SNX29: variants seen among roughly 807,000 people sequenced by gnomAD.
SNX29 encodes sorting nexin-29.
SNX29 carries 78 observed loss-of-function variants against 102.1 expected under a neutral mutation model. The observed-to-expected ratio is 0.76, with a 90% CI of 0.64 to 0.92. The LOEUF is 0.92. Among genes scored for constraint, SNX29 ranks in the 40% least tolerant of loss-of-function variants. The pLI, the probability that SNX29 is intolerant of heterozygous loss-of-function variation, is 0.00. For synonymous variants in SNX29, 580 were observed against 414.5 expected, an observed-to-expected ratio of 1.40 and a Z score of -4.85; for missense variants, 1,280 against 1,061.7, an observed-to-expected ratio of 1.21 and a Z score of -2.86.
intron 19 of SNX29, among the ~76,000 whole-genome samples, chr16:12,481,469 C>CATATATACACACAT (rs940824120): frequency 1.1e-5 from 1 of 90,072 alleles, no homozygotes; most frequent in Non-Finnish European, 2.6e-5. Flanking sequence ...TATATATACA[C>CATATATACACACAT]ATATATACAC....
intron 1 of SNX29, among the ~76,000 whole-genome samples, chr16:11,986,335 A>G (rs183624796): frequency 6.0e-4 from 88 of 147,754 alleles, no homozygotes; most frequent in African/African-American, 2.1e-3. Flanking sequence ...CTTCGCTTGC[A>G]TCTGTGTTTC....
intron 18 of SNX29, among the ~76,000 whole-genome samples, chr16:12,459,604 C>T (rs1406596856): frequency 2.0e-5 from 3 of 152,050 alleles, no homozygotes; most frequent in East Asian, 1.9e-4. Flanking sequence ...TCTGCATGCA[C>T]GTGGGGCTGG....
At chr16:12,553,101 GGGGCTTTCAGGCTGGGAGGGCCTT>G (rs2078091471) in intron 20 of SNX29, among the ~76,000 whole-genome samples, 1 of 147,596 alleles carries the variant, frequency 6.8e-6, no homozygotes, top group South Asian at 2.1e-4. Flanking sequence ...GGCTTGGCCT[GGGGCTTTCAGGCTGGGAGGGCCTT>G]GGGCTTCTGG....
intron 4 of SNX29, 194 bp downstream of exon 4, chr16:12,027,638 C>A (rs1315000373): frequency 6.7e-6 from 4 of 601,400 alleles, no homozygotes; most frequent in South Asian, 4.1e-5. Flanking sequence ...TAAATGAAGT[C>A]ATCTTTTGTG....
chr16:12,522,279 T>C (rs1395922401), intron 19 of SNX29, among the ~76,000 whole-genome samples: 1 of 152,226 alleles, frequency 6.6e-6, no homozygotes, highest in Non-Finnish European at 1.5e-5. Flanking sequence ...GAAGTTCAAA[T>C]TTCACTGGGT....
chr16:12,565,565 C>T (rs551021293), intron 20 of SNX29, among the ~76,000 whole-genome samples: 1 of 152,184 alleles, frequency 6.6e-6, no homozygotes, highest in South Asian at 2.1e-4. Context: ...TCACAGAAGC[C>T]TACTGTCACA....
At chr16:12,551,650 C>G (rs182544571) in intron 20 of SNX29, among the ~76,000 whole-genome samples, 2 of 152,194 alleles carry the variant, frequency 1.3e-5, no homozygotes, top group African/African-American at 2.4e-5. Flanking sequence ...ATTTTCTGAG[C>G]TTTGGTTTCC....
At chr16:12,278,944 T>G (rs1348426831) in intron 15 of SNX29, among the ~76,000 whole-genome samples, 3 of 152,186 alleles carry the variant, frequency 2.0e-5, no homozygotes, top group African/African-American at 4.8e-5. Context: ...TTTTATAACC[T>G]TATTGATACC....
chr16:12,531,695 A>C (rs557929295), intron 20 of SNX29, among the ~76,000 whole-genome samples: 3 of 152,304 alleles, frequency 2.0e-5, no homozygotes, highest in Admixed American at 6.5e-5. Context: ...CAGAGAGGTC[A>C]AGGGGACAAG....
At chr16:12,108,556 A>G (rs984223088) in intron 11 of SNX29, among the ~76,000 whole-genome samples, 2 of 152,154 alleles carry the variant, frequency 1.3e-5, no homozygotes, top group Admixed American at 1.3e-4. Context: ...GGTGACTACT[A>G]TATCTGGGCA....
intron 20 of SNX29, among the ~76,000 whole-genome samples, chr16:12,555,365 A>G (rs936172670): frequency 2.0e-5 from 3 of 152,028 alleles, no homozygotes; most frequent in East Asian, 1.9e-4. Context: ...CTTTTCTCCC[A>G]TGAGGCGCTC....
In SNX29 at chr16:12,481,395, T is replaced by TAC. The variant is rs149352429; in HGVS notation, c.2178+3552_2178+3553dup. 6.2e-3 allele frequency among the ~76,000 whole-genome samples: 932 copies of TAC among 149,822 alleles called. 7 individuals are homozygous for TAC. Among genetic ancestry groups the TAC allele is most frequent in the African/African-American group, 0.018 (739 of 40,840 alleles). ...TGTCTTTTATACATATATATATATA[T>TAC]ACACACACACACACACATATACATA... is the stretch of plus-strand genomic sequence containing the variant. On this transcript the variant is annotated intron_variant, in intron 19 of 20. Transcript: ENST00000566228.
chr16:12,095,507 A>G (rs1016383842), intron 11 of SNX29, among the ~76,000 whole-genome samples: 1 of 152,164 alleles, frequency 6.6e-6, no homozygotes, highest in East Asian at 1.9e-4. Context: ...GGTCTTTTCT[A>G]GTTGAAAAAC....
Position 12,333,266 on chromosome 16 carries a change from C to T in SNX29, c.1783-22897C>T, listed in dbSNP as rs549923168. ...GACTACAGGTGCGTGCCACCATGCC[C>T]GGCTAATTTTTGTGTATTTTAGTAG... On this transcript the variant is annotated intron_variant, in intron 15 of 20. Transcript: ENST00000566228. 5.3e-5 allele frequency among the ~76,000 whole-genome samples: 8 copies of T among 151,856 alleles called. No individual in the cohort carries two copies. The East Asian group carries it at 7.8e-4, about 15-fold the overall frequency.
At chr16:12,542,985 C>T (rs2077411475) in intron 20 of SNX29, among the ~76,000 whole-genome samples, 1 of 152,104 alleles carries the variant, frequency 6.6e-6, no homozygotes, top group African/African-American at 2.4e-5. Context: ...ACTCCTGTAA[C>T]TATGAAGTCC....
chr16:12,559,511 A>G (rs1489960388), intron 20 of SNX29, among the ~76,000 whole-genome samples: 1 of 151,854 alleles, frequency 6.6e-6, no homozygotes, highest in African/African-American at 2.4e-5. Flanking sequence ...CAAATGTAAC[A>G]CACTTTGTAT....
chr16:12,455,914 C>T (rs1365087129), intron 18 of SNX29, among the ~76,000 whole-genome samples: 2 of 152,110 alleles, frequency 1.3e-5, no homozygotes, highest in Non-Finnish European at 2.9e-5. Flanking sequence ...CATCTAGCAC[C>T]CGTTGGGCAT....
chr16:12,463,799 C>T (rs575554963), intron 18 of SNX29, among the ~76,000 whole-genome samples: 1 of 150,386 alleles, frequency 6.6e-6, no homozygotes, highest in Non-Finnish European at 1.5e-5. Flanking sequence ...ATTAACATAT[C>T]CACCACCTCC....
At chr16:12,367,583 T>C (rs763511134) in intron 16 of SNX29, 9 of 152,252 alleles carry the variant, frequency 5.9e-5, no homozygotes, top group Admixed American at 1.3e-4. Context: ...CCTGGGACTT[T>C]CTTGGTTTCT....
Sources: gnomAD v4.1 joint callset for allele counts (sites outside exome capture counted in the v4.1 genomes callset) on GRCh38, gnomAD v4.1.1 for gene constraint, MANE v1.5 for transcripts, NCBI Gene and HGNC (gene_info 2026-07-23, HGNC 2026-07-21) for gene names.